Variants in EGFR observed in about 807,000 individuals in gnomAD.
EGFR encodes the protein epidermal growth factor receptor, also known as avian erythroblastic leukemia viral (v-erb-b) oncogene homolog.
Under a neutral mutation model 143.0 loss-of-function variants are expected in EGFR, and 58 were observed. That is an observed-to-expected ratio of 0.41 (90% CI 0.33 to 0.50). The LOEUF is 0.50. EGFR is among the 20% of genes least tolerant of loss of function. EGFR has a pLI of 0.39. For missense variants in EGFR, 1,307 were observed against 1,579.0 expected (o/e 0.83, Z 2.92); for synonymous variants, 613 against 594.4 (o/e 1.03, Z -0.45).
In EGFR at chr7:55,020,954, A is replaced by G. The variant is rs947985869; in HGVS notation, c.88+1589A>G. Among the ~76,000 whole-genome samples, 4 of 151,710 alleles carry G rather than the reference A, an allele frequency of 2.6e-5. No homozygotes were observed. In the South Asian group the frequency reaches 8.3e-4, roughly 32 times the overall value. ...CCCCAGACATTCTGATTTAATTGGCATGGGGCAAGACCTGGACTTGGGATT... is the reference window on the plus strand; with the variant it reads ...CCCCAGACATTCTGATTTAATTGGCGTGGGGCAAGACCTGGACTTGGGATT... On this transcript the variant is annotated intron_variant, in intron 1 of 27. Transcript: ENST00000275493.
chr7:55,203,670 TACAC>T (rs1382847173), intron 27 of EGFR, among the ~76,000 whole-genome samples: 8 of 103,320 alleles, frequency 7.7e-5, no homozygotes, highest in Non-Finnish European at 1.3e-4. Flanking sequence ...CACACACACA[TACAC>T]ACACCACACA....
intron 1 of EGFR, among the ~76,000 whole-genome samples, chr7:55,036,838 C>G (rs1233450722): frequency 3.9e-5 from 6 of 152,144 alleles, no homozygotes; most frequent in Admixed American, 6.6e-5. Flanking sequence ...AACACCTCCT[C>G]TCTTAACAGG....
At chr7:55,199,140 T>A (rs962786213) in intron 23 of EGFR, among the ~76,000 whole-genome samples, 1 of 152,240 alleles carries the variant, frequency 6.6e-6, no homozygotes, top group Non-Finnish European at 1.5e-5. Flanking sequence ...TTCTATTCGC[T>A]GAGTTACTCA....
chr7:55,151,420 C>G (rs534848277), intron 5 of EGFR, 58 bp downstream of exon 5: 111 of 1,561,044 alleles, frequency 7.1e-5, no homozygotes, highest in Non-Finnish European at 9.3e-5. Flanking sequence ...CCTTCACTTG[C>G]TTAGGTGATT....
At chr7:55,089,799 G>A (rs913269587) in intron 1 of EGFR, among the ~76,000 whole-genome samples, 4 of 152,088 alleles carry the variant, frequency 2.6e-5, no homozygotes, top group Admixed American at 2.6e-4. Flanking sequence ...TTCCAGCCAG[G>A]CTTGGAGACC....
At chr7:55,200,282 C>G (rs1361837644) in intron 23 of EGFR, 34 bp from the exon 24 acceptor site, 2 of 1,584,420 alleles carry the variant, frequency 1.3e-6, no homozygotes, top group African/African-American at 1.3e-5. Context: ...TTCCAGTGTT[C>G]TAATTGCACT....
At chr7:55,096,023 A>G (rs1342679739) in intron 1 of EGFR, among the ~76,000 whole-genome samples, 1 of 152,200 alleles carries the variant, frequency 6.6e-6, no homozygotes, top group Non-Finnish European at 1.5e-5. Context: ...ACACGTGCAG[A>G]TAAGGTAATA....
intron 6 of EGFR, 110 bp downstream of exon 6, chr7:55,152,774 TAACA>T (rs1430578702): frequency 1.1e-6 from 1 of 888,624 alleles, no homozygotes; most frequent in Non-Finnish European, 1.8e-6. Context: ...GCATTTGTCA[TAACA>T]GACAGGATAT....
At chr7:55,142,588 A>G in intron 2 of EGFR, 151 bp downstream of exon 2, 2 of 939,872 alleles carry the variant, frequency 2.1e-6, no homozygotes, top group Non-Finnish European at 3.3e-6. Flanking sequence ...TGAGAAAGCC[A>G]TTTTACCAGC....
At chr7:55,159,379 T>TC (rs17336737) in intron 11 of EGFR, among the ~76,000 whole-genome samples, 35,458 of 151,980 alleles carry the variant, frequency 0.23, 4,977 homozygotes, top group East Asian at 0.55. Context: ...GCTGAGGACA[T>TC]CCCCCCTTCG....
chr7:55,204,114 G>C (rs1293531054), intron 27 of EGFR, among the ~76,000 whole-genome samples: 1 of 150,814 alleles, frequency 6.6e-6, no homozygotes, highest in African/African-American at 2.4e-5. Flanking sequence ...GCAAGTTAAG[G>C]CAGATGATAT....
chr7:55,176,925 A>G (rs907129276), intron 19 of EGFR, among the ~76,000 whole-genome samples: 2 of 147,290 alleles, frequency 1.4e-5, no homozygotes, highest in African/African-American at 4.9e-5. Flanking sequence ...CTCTCTCTAA[A>G]TATATATATA....
At chr7:55,118,939 A>G (rs896547357) in intron 1 of EGFR, 1 of 152,226 alleles carries the variant, frequency 6.6e-6, no homozygotes, top group Non-Finnish European at 1.5e-5. Flanking sequence ...AATAAATTTT[A>G]AAAACATTTT....
intron 1 of EGFR, among the ~76,000 whole-genome samples, chr7:55,084,106 A>C (rs1451712031): frequency 6.6e-6 from 1 of 152,238 alleles, no homozygotes; most frequent in Non-Finnish European, 1.5e-5. Context: ...TGTAAGCCCA[A>C]GTTATGAGGT....
intron 5 of EGFR, among the ~76,000 whole-genome samples, chr7:55,152,083 T>C (rs886142994): frequency 6.6e-6 from 1 of 152,150 alleles, no homozygotes; most frequent in East Asian, 1.9e-4. Flanking sequence ...GACTTTTCCA[T>C]GTGGACCCTG....
chr7:55,171,087 T>C, intron 15 of EGFR, 88 bp from the exon 16 acceptor site: 3 of 1,585,508 alleles, frequency 1.9e-6, no homozygotes, highest in South Asian at 2.3e-5. Flanking sequence ...TTAGCATATA[T>C]TGCTTTATGA....
chr7:55,080,222 C>T (rs993956211), intron 1 of EGFR, among the ~76,000 whole-genome samples: 30 of 152,086 alleles, frequency 2.0e-4, no homozygotes, highest in African/African-American at 7.2e-4. Flanking sequence ...TTCAGTGGCT[C>T]TGGCACCATT....
At chr7:55,073,621 T>C (rs1789960137) in intron 1 of EGFR, among the ~76,000 whole-genome samples, 2 of 152,242 alleles carry the variant, frequency 1.3e-5, no homozygotes, top group Non-Finnish European at 2.9e-5. Context: ...ATCTCAGTTG[T>C]TATGGGCATT....
intron 1 of EGFR, among the ~76,000 whole-genome samples, chr7:55,085,019 C>T (rs1224687937): frequency 2.0e-5 from 3 of 152,106 alleles, no homozygotes; most frequent in Non-Finnish European, 4.4e-5. Flanking sequence ...GAATGACCTA[C>T]GGAATGGTAC....
Sources: allele counts gnomAD v4.1 joint callset (sites outside exome capture counted in the v4.1 genomes callset), GRCh38; gene constraint gnomAD v4.1.1; transcripts MANE v1.5; gene names NCBI Gene and HGNC (gene_info 2026-07-23, HGNC 2026-07-21).